The following KIF23 variants were observed in gnomAD, a reference collection of about 807,000 sequenced individuals.
The protein encoded by KIF23 is kinesin-like protein KIF23.
Under a neutral mutation model 137.5 loss-of-function variants are expected in KIF23, and 30 were observed. The observed-to-expected ratio is 0.22, with a 90% confidence interval of 0.16 to 0.30. The LOEUF is 0.30. KIF23 is among the 10% of genes least tolerant of loss of function. The pLI, the probability that KIF23 is intolerant of heterozygous loss-of-function variation, is 1.00. For synonymous variants in KIF23, 367 were observed against 391.1 expected (o/e 0.94, Z 0.73); for missense variants, 920 against 1,194.3 (o/e 0.77, Z 3.38).
intron 11 of KIF23, among the ~76,000 whole-genome samples, chr15:69,430,558 G>A (rs554176443): frequency 6.1e-4 from 93 of 152,310 alleles, no homozygotes; most frequent in African/African-American, 1.7e-3. Context: ...GAAAAATTGA[G>A]TAGGAGTGAG....
Position 69,445,009 on chromosome 15 carries a change from T to G in KIF23, c.2641T>G (p.Ser881Ala). Residue 881 changes from serine (S) to alanine (A), a missense_variant, in exon 20 of 24, where the codon TCC becomes GCC. Around this residue, in one of 4 missense-constraint regions of KIF23, gnomAD observed 75 missense variants for 177.9 expected, o/e 0.42. Coordinates refer to ENST00000679126, the MANE Select transcript of KIF23 (RefSeq NM_001367805.3). ...CATGCTGACCCACCAGGAACTAGCC[T>G]CCGATGGGGAGATTGAAACTAAACT... The part of the protein sequence containing the change: ...KYMLTHQELA[S>A]DGEIETKLIK... 1 of 1,613,720 alleles carries G rather than the reference T, an allele frequency of 6.2e-7. No individual in the cohort carries two copies. Among genetic ancestry groups the G allele is most frequent in the Non-Finnish European group, 8.5e-7 (1 of 1,179,760 alleles).
chr15:69,443,335 T>G (rs1171584569), intron 19 of KIF23, among the ~76,000 whole-genome samples: 25 of 116,734 alleles, frequency 2.1e-4, no homozygotes, highest in African/African-American at 9.0e-4. Flanking sequence ...GGTTTTTTTT[T>G]TTTTTTTTTT....
chr15:69,446,415 G>A (rs766044648), intron 22 of KIF23, 51 bp downstream of exon 22: 2 of 1,411,756 alleles, frequency 1.4e-6, no homozygotes, highest in East Asian at 2.3e-5. Flanking sequence ...GGTTTGTCAT[G>A]TTTTAAACCC....
intron 11 of KIF23, among the ~76,000 whole-genome samples, chr15:69,433,859 A>G (rs539568351): frequency 5.9e-5 from 9 of 152,314 alleles, no homozygotes; most frequent in African/African-American, 1.7e-4. Context: ...CTAAGTAAAC[A>G]GGTGAAATCT....
chr15:69,429,038 T>C lies in KIF23; in HGVS notation c.1012-73T>C, dbSNP rs960119320. The C allele has an allele frequency of 4.2e-5, 41 of 972,962 alleles. No individual in the cohort carries two copies. In the African/African-American group the frequency reaches 6.1e-4, roughly 14 times the overall value. 60.3% of individuals were successfully genotyped at this position (972,962 alleles called of 1,614,324 possible). A position where few individuals can be genotyped will look rare whatever the true frequency, so the allele number is the denominator to read the frequency against. On this transcript the variant is annotated intron_variant, in intron 10 of 23. Coordinates refer to ENST00000679126, the MANE Select transcript of KIF23 (RefSeq NM_001367805.3). ...TGTTCATTAAGACTTAGCTTGTTGA[T>C]ATGAATCTATTTAAAGAACATTATA...
intron 10 of KIF23, among the ~76,000 whole-genome samples, chr15:69,426,877 A>G (rs2140342262): frequency 6.6e-6 from 1 of 152,352 alleles, no homozygotes; most frequent in South Asian, 2.1e-4. Context: ...TGTGCTGACC[A>G]TGTACAGACT....
At chr15:69,416,182 A>G (rs1254259950) in intron 2 of KIF23, 119 bp downstream of exon 2, 1 of 593,112 alleles carries the variant, frequency 1.7e-6, no homozygotes, top group Non-Finnish European at 2.8e-6. Flanking sequence ...TAATCAAAGA[A>G]CATTTAGTTA....
chr15:69,421,445 G>A (rs1362085023), intron 3 of KIF23, among the ~76,000 whole-genome samples: 2 of 152,130 alleles, frequency 1.3e-5, no homozygotes, highest in East Asian at 3.9e-4. Context: ...ACGTTTACCA[G>A]TTTATAATTG....
At chr15:69,429,917 T>A (rs1446762437) in intron 11 of KIF23, among the ~76,000 whole-genome samples, 3 of 152,060 alleles carry the variant, frequency 2.0e-5, no homozygotes, top group African/African-American at 7.2e-5. Flanking sequence ...ACTTGGAGGC[T>A]GAGGTGGGAG....
rs1274324635 is a variant in KIF23, at chr15:69,422,413, A to T, written c.541A>T (p.Asn181Tyr). ...LERQKREAMP[N>Y]PKTSSSKRQV... ...ACGTCAGAAAAGAGAAGCTATGCCC[A>T]ATCCAAAGACTTCTTCTAGCAAGTA... Residue 181 changes from asparagine to tyrosine, a missense_variant, in exon 6 of 24, where the codon AAT becomes TAT. Physicochemically the swap from Asn to Tyr is moderately radical, Grantham distance 143. Around this residue, in one of 4 missense-constraint regions of KIF23, gnomAD observed 714 missense variants for 866.2 expected, o/e 0.82. Coordinates refer to ENST00000679126, the MANE Select transcript of KIF23 (RefSeq NM_001367805.3). 6.3e-7 allele frequency: 1 copy of T among 1,598,534 alleles called. No individual in the cohort carries two copies. The highest frequency in any genetic ancestry group is 8.6e-7 in the Non-Finnish European group (1 of 1,166,004).
chr15:69,426,659 A>C, intron 10 of KIF23: 1 of 565,882 alleles, frequency 1.8e-6, no homozygotes, highest in Admixed American at 3.4e-5. Context: ...AGGCAGAGGT[A>C]CAGTGAACTG....
intron 21 of KIF23, 26 bp downstream of exon 21, chr15:69,446,117 A>G (rs2057735073): frequency 1.9e-6 from 3 of 1,594,430 alleles, no homozygotes; most frequent in Non-Finnish European, 1.7e-6. Context: ...AAATCTCTGT[A>G]TAAAAGTTGG....
rs1420371455 is a variant in KIF23 at position 69,433,711 on chromosome 15, A to ATTTT, written c.1115-1771_1115-1768dup. Reference sequence around the variant, plus strand: ...GGGGATCTGCTGCCTTAGAGAATATATTTTATTTATTTATTTTTTATTTTA... The same window carrying ATTTT: ...GGGGATCTGCTGCCTTAGAGAATATATTTTTTTTATTTATTTATTTTTTATTTTA... On this transcript the variant is annotated intron_variant, in intron 11 of 23. Coordinates refer to ENST00000679126, the MANE Select transcript of KIF23 (RefSeq NM_001367805.3). Among the ~76,000 whole-genome samples the ATTTT allele has an allele frequency of 3.3e-5, 5 of 152,068 alleles. No individual in the cohort carries two copies. In the East Asian group the frequency reaches 9.6e-4, roughly 29 times the overall value.
At position 69,423,158 on chromosome 15, in the gene KIF23, G is replaced by A; in HGVS notation, c.564-1G>A. The A allele has an allele frequency of 6.5e-7, 1 of 1,538,104 alleles. No individual in the cohort carries two copies. Among genetic ancestry groups the A allele is most frequent in the Admixed American group, 2.0e-5 (1 of 50,740 alleles). On this transcript the variant is annotated splice_acceptor_variant, in intron 6 of 23. Transcript: ENST00000679126. LOFTEE classifies it high-confidence loss of function. ...ATACAATTGAACTTTTCTTTTTTTA[G>A]ACGACAAGTAGATCCAGAGTTTGCA...
intron 11 of KIF23, chr15:69,434,425 G>T (rs1269636867): frequency 9.6e-6 from 4 of 414,538 alleles, no homozygotes; most frequent in East Asian, 4.1e-5. Flanking sequence ...GCTTGCTTTT[G>T]TCTTTCTCCC....
At position 69,429,043 on chromosome 15, in the gene KIF23, A is replaced by G. The variant is rs113265913; in HGVS notation, c.1012-68A>G. On this transcript the variant is annotated intron_variant, in intron 10 of 23. Transcript: ENST00000679126. ...ATTAAGACTTAGCTTGTTGATATGA[A>G]TCTATTTAAAGAACATTATAAACCA... 1,557 of 1,019,092 alleles carry G rather than the reference A, an allele frequency of 1.5e-3. 14 individuals are homozygous for G. In the African/African-American group the frequency reaches 0.021, roughly 14 times the overall value. The allele number at this position is 1,019,092 out of a possible 1,614,324, so 63.1% of individuals were successfully genotyped here. A position where few individuals can be genotyped will look rare whatever the true frequency, so the allele number is the denominator to read the frequency against.
chr15:69,447,976 CAAAGACAACTAGTAT>C lies in KIF23; in HGVS notation c.*170_*184del. 2.0e-6 allele frequency: 1 copy of C among 497,796 alleles called. No individual in the cohort carries two copies. Among genetic ancestry groups the C allele is most frequent in the Non-Finnish European group, 3.5e-6 (1 of 282,416 alleles). The allele number at this position is 497,796 out of a possible 1,614,324, so 30.8% of individuals were successfully genotyped here. On this transcript the variant is annotated 3_prime_UTR_variant, in exon 24 of 24. Transcript: ENST00000679126. Reference sequence around the variant, plus strand: ...CAGAGCAAAGCTTTCCCTATGGTTCCAAAGACAACTAGTATTCAACAAACCTTGTATAGTATATGT... The same window carrying C: ...CAGAGCAAAGCTTTCCCTATGGTTCCTCAACAAACCTTGTATAGTATATGT...
chr15:69,423,041 C>T lies in KIF23; in HGVS notation c.564-118C>T, dbSNP rs139679597. On this transcript the variant is annotated intron_variant, in intron 6 of 23. Coordinates refer to ENST00000679126, the MANE Select transcript of KIF23 (RefSeq NM_001367805.3). ...CTTGAGTTCCTGATCTCAGGTGATC[C>T]GCCTGCCTCGGCCTCCCAAAGTGCT... The T allele has an allele frequency of 1.6e-3, 1,087 of 666,782 alleles. 9 individuals are homozygous for T. The African/African-American group carries it at 0.018, about 11-fold the overall frequency. The allele number at this position is 666,782 out of a possible 1,614,324, so 41.3% of individuals were successfully genotyped here. A position where few individuals can be genotyped will look rare whatever the true frequency, so the allele number is the denominator to read the frequency against.
At chr15:69,419,512 G>A (rs2056999294) in intron 3 of KIF23, among the ~76,000 whole-genome samples, 1 of 152,002 alleles carries the variant, frequency 6.6e-6, no homozygotes, top group South Asian at 2.1e-4. Context: ...TCTTTTTCTG[G>A]GTCTTAGCAT....
Sources: gnomAD v4.1 joint callset for allele counts (sites outside exome capture counted in the v4.1 genomes callset) on GRCh38, gnomAD v4.1.1 for gene constraint, gnomAD v4.1.1 regional missense constraint, MANE v1.5 for transcripts, NCBI Gene and HGNC (gene_info 2026-07-23, HGNC 2026-07-21) for gene names.